TNRC18: variants seen among roughly 807,000 people sequenced by gnomAD.
TNRC18 encodes the protein trinucleotide repeat-containing gene 18 protein.
Under a neutral mutation model 226.7 loss-of-function variants are expected in TNRC18, and 69 were observed. That is an observed-to-expected ratio of 0.30 (90% CI 0.25 to 0.37). The LOEUF (loss-of-function observed/expected upper bound fraction) is 0.37, where lower values mean the gene tolerates loss of function less well. Ranked by LOEUF, TNRC18 falls within the 10% of genes least tolerant of loss-of-function variation. TNRC18 has a pLI of 1.00. For synonymous variants in TNRC18, 2,449 were observed against 1,927.6 expected (o/e 1.27, Z -7.09); for missense variants, 4,754 against 4,256.6 (o/e 1.12, Z -3.25).
At chr7:5,356,497 G>C (rs985133931) in intron 16 of TNRC18, among the ~76,000 whole-genome samples, 3 of 152,258 alleles carry the variant, frequency 2.0e-5, no homozygotes, top group African/African-American at 7.2e-5. Context: ...GGGTAGGGGA[G>C]TCCGGTCACC....
At position 5,390,516 on chromosome 7, in the gene TNRC18, G is replaced by A. The variant is rs746941029; in HGVS notation, c.456C>T (p.Phe152=). The A allele has an allele frequency of 2.7e-5, 44 of 1,613,526 alleles. No homozygotes were observed. Among genetic ancestry groups the A allele is most frequent in the Non-Finnish European group, 3.4e-5 (40 of 1,179,830 alleles). Reference sequence around the variant, plus strand: ...CTGGCCCCTGACCTTTCTGGGTATCGAAAATGCTGGGCTGACCCAGCTGGC... The same window carrying A: ...CTGGCCCCTGACCTTTCTGGGTATCAAAAATGCTGGGCTGACCCAGCTGGC... ...LLSQLGQPSI[F]DTQKGQGPGG... Residue 152 remains phenylalanine, a synonymous_variant, in exon 4 of 30, where the codon TTC becomes TTT. Transcript: ENST00000430969.
chr7:5,385,648 C>A (rs1178430350), intron 5 of TNRC18, among the ~76,000 whole-genome samples: 1 of 150,602 alleles, frequency 6.6e-6, no homozygotes, highest in Non-Finnish European at 1.5e-5. Flanking sequence ...CATACCACTG[C>A]ACTCCAGCGT....
At chr7:5,354,737 G>A (rs1440513017) in intron 16 of TNRC18, among the ~76,000 whole-genome samples, 1 of 152,032 alleles carries the variant, frequency 6.6e-6, no homozygotes, top group Non-Finnish European at 1.5e-5. Flanking sequence ...TAGGACAGAC[G>A]AAACACACGC....
chr7:5,332,478 T>C (rs973383400), intron 19 of TNRC18, 144 bp downstream of exon 19: 1 of 865,446 alleles, frequency 1.2e-6, no homozygotes, highest in Non-Finnish European at 1.7e-6. Flanking sequence ...GGCTAAGTCC[T>C]AGCAGGGGCT....
intron 18 of TNRC18, among the ~76,000 whole-genome samples, chr7:5,344,247 T>C (rs1377500404): frequency 2.0e-5 from 3 of 152,118 alleles, no homozygotes; most frequent in African/African-American, 7.2e-5. Flanking sequence ...CAGAGTCTGA[T>C]GGTGGTGGGT....
intron 1 of TNRC18, chr7:5,423,137 T>C (rs1229011589): frequency 6.6e-6 from 1 of 152,194 alleles, no homozygotes; most frequent in Non-Finnish European, 1.5e-5. Context: ...CGTCTCGGCG[T>C]CCCGGGCTCC....
chr7:5,416,619 G>C (rs1384469353), intron 2 of TNRC18, among the ~76,000 whole-genome samples: 1 of 151,956 alleles, frequency 6.6e-6, no homozygotes, highest in East Asian at 1.9e-4. Flanking sequence ...ACTTTGGGAG[G>C]CCAAGGCAGG....
chr7:5,360,296 T>C (rs1374751095), intron 14 of TNRC18, among the ~76,000 whole-genome samples: 1 of 151,980 alleles, frequency 6.6e-6, no homozygotes, highest in Non-Finnish European at 1.5e-5. Flanking sequence ...ATGGCTCGAT[T>C]TCAGCTCACT....
rs574093067 is a variant in TNRC18 at position 5,307,990 on chromosome 7, A to G, written c.*116T>C. On this transcript the variant is annotated 3_prime_UTR_variant, in exon 30 of 30. Coordinates refer to ENST00000430969, the MANE Select transcript of TNRC18 (RefSeq NM_001080495.3). ...CACGTGCACACCTGGCCCCATGCAC[A>G]CGCCTGCAGGAGCGCTCGCATGCAC... is the stretch of plus-strand genomic sequence containing the variant. 4.8e-4 allele frequency: 458 copies of G among 951,276 alleles called. 5 individuals carry two copies. The highest frequency in any genetic ancestry group is 2.7e-5 in the Non-Finnish European group (17 of 639,430). 58.9% of individuals were successfully genotyped at this position (951,276 alleles called of 1,614,324 possible).
chr7:5,388,642 C>A lies in TNRC18; in HGVS notation c.1182G>T (p.Ala394=). Residue 394 remains alanine, a synonymous_variant, in exon 5 of 30, where the codon GCG becomes GCT. Coordinates refer to ENST00000430969, the MANE Select transcript of TNRC18 (RefSeq NM_001080495.3). ...CGCGCTCGCGGGCCCGGGCATCGCG[C>A]GCCTGGGATGCGATCTGGATGGGCC... ...RPGPIQIASQ[A]RDARAREREA... The A allele has an allele frequency of 7.8e-7, 1 of 1,277,192 alleles. No homozygotes were observed. The highest frequency in any genetic ancestry group is 2.0e-5 in the South Asian group (1 of 49,752). 79.1% of individuals were successfully genotyped at this position (1,277,192 alleles called of 1,614,324 possible).
intron 9 of TNRC18, among the ~76,000 whole-genome samples, chr7:5,375,550 T>C (rs1218401236): frequency 6.6e-6 from 1 of 152,152 alleles, no homozygotes; most frequent in Non-Finnish European, 1.5e-5. Context: ...AGCTTCTTGC[T>C]GTATGCACTA....
intron 18 of TNRC18, among the ~76,000 whole-genome samples, chr7:5,343,581 C>A (rs954109478): frequency 1.3e-5 from 2 of 152,074 alleles, no homozygotes; most frequent in African/African-American, 4.8e-5. Flanking sequence ...TGCTACCGTG[C>A]CTGGCTAATT....
At chr7:5,333,223 G>T (rs929995597) in intron 18 of TNRC18, among the ~76,000 whole-genome samples, 174 bp from the exon 19 acceptor site, 1 of 151,640 alleles carries the variant, frequency 6.6e-6, no homozygotes, top group Non-Finnish European at 1.5e-5. Flanking sequence ...TCGGGACCAC[G>T]CCTGTCCCTA....
chr7:5,411,559 C>T (rs909485208), intron 2 of TNRC18, among the ~76,000 whole-genome samples: 4 of 151,576 alleles, frequency 2.6e-5, no homozygotes, highest in African/African-American at 4.8e-5. Flanking sequence ...AAAGTATTTC[C>T]CAAATAGCAC....
chr7:5,324,067 G>T lies in TNRC18; in HGVS notation c.6442+147C>A. ...GCCAGTCCAGCCTTCTCATCGACCC[G>T]GATAACTCAGCCTCAGGATCTCTGC... On this transcript the variant is annotated intron_variant, in intron 21 of 29. Coordinates refer to ENST00000430969, the MANE Select transcript of TNRC18 (RefSeq NM_001080495.3). The surrounding 1 kb of genome is among the most constrained non-coding windows in gnomAD (Gnocchi z 4.8). The T allele has an allele frequency of 1.1e-6, 1 of 913,576 alleles. No homozygotes were observed. The highest frequency in any genetic ancestry group is 1.6e-6 in the Non-Finnish European group (1 of 619,860). The allele number at this position is 913,576 out of a possible 1,614,324, so 56.6% of individuals were successfully genotyped here.
intron 11 of TNRC18, among the ~76,000 whole-genome samples, chr7:5,369,390 A>G (rs1374435022): frequency 6.6e-6 from 1 of 152,210 alleles, no homozygotes; most frequent in Admixed American, 6.5e-5. Flanking sequence ...AACCGCAGTC[A>G]GCCCTTGAGA....
In TNRC18 at chr7:5,390,854, C is replaced by A. The variant is rs545934287; in HGVS notation, c.344-226G>T. Among the ~76,000 whole-genome samples, 33 of 152,156 alleles carry A rather than the reference C, an allele frequency of 2.2e-4. 1 individual carries two copies. In the South Asian group the frequency reaches 5.8e-3, roughly 27 times the overall value. On this transcript the variant is annotated intron_variant, in intron 3 of 29. Coordinates refer to ENST00000430969, the MANE Select transcript of TNRC18 (RefSeq NM_001080495.3). The stretch of plus-strand genomic sequence containing the variant: ...GGGGACTGGGGTCTCCAGTCCCCCC[C>A]AGAAAGAGGATCAGAATGGATCCAA...
chr7:5,410,697 C>T (rs758868419), intron 2 of TNRC18, among the ~76,000 whole-genome samples: 4 of 151,598 alleles, frequency 2.6e-5, no homozygotes, highest in Non-Finnish European at 4.4e-5. Context: ...AAAACCCCAT[C>T]TCTACTAAAA....
In TNRC18 at chr7:5,374,473, C is replaced by T; in HGVS notation, c.2811G>A (p.Leu937=). The change falls in exon 10 of 30, where the codon TTG becomes TTA. Residue 937 remains leucine, a synonymous_variant. Coordinates refer to ENST00000430969, the MANE Select transcript of TNRC18 (RefSeq NM_001080495.3). ...TCTCCGCCCGGTGCTCCTGCGCCTT[C>T]AACCGCTCCTGCTGGGAAGGGGCCG... ...QRSAQLVQER[L]KAQEHRAEME... is the part of the protein sequence containing the mutation. The T allele has an allele frequency of 6.5e-7, 1 of 1,546,834 alleles. No homozygotes were observed. The highest frequency in any genetic ancestry group is 8.7e-7 in the Non-Finnish European group (1 of 1,145,574).
Sources: gnomAD v4.1 joint callset for allele counts (sites outside exome capture counted in the v4.1 genomes callset) on GRCh38, gnomAD v4.1.1 for gene constraint, Gnocchi (gnomAD v3.1) non-coding constraint, MANE v1.5 for transcripts, NCBI Gene and HGNC (gene_info 2026-07-23, HGNC 2026-07-21) for gene names.